MCU: variants seen among roughly 807,000 people sequenced by gnomAD.
MCU encodes the protein mitochondrial calcium uniporter.
In MCU, 12 loss-of-function variants were observed where a neutral mutation model predicts 45.2. The observed-to-expected ratio is 0.27, with a 90% CI of 0.17 to 0.43. The LOEUF is 0.43. Among genes scored for constraint, MCU ranks in the 20% least tolerant of loss-of-function variants. The probability of loss-of-function intolerance (pLI) is 1.00; values close to 1 mark genes in which losing one functional copy is unlikely to be tolerated. For synonymous variants in MCU, 160 were observed against 165.1 expected (o/e 0.97, Z 0.24); for missense variants, 324 against 436.7 (o/e 0.74, Z 2.30).
In MCU at chr10:72,846,660, T is replaced by A. The variant is rs535188643; in HGVS notation, c.220+12232T>A. 2.0e-5 allele frequency among the ~76,000 whole-genome samples: 3 copies of A among 152,318 alleles called. No homozygotes were observed. In the East Asian group the frequency reaches 5.8e-4, roughly 29 times the overall value. On this transcript the variant is annotated intron_variant, in intron 2 of 7. Coordinates refer to ENST00000373053, the MANE Select transcript of MCU (RefSeq NM_138357.3). Reference sequence around the variant, plus strand: ...CTGATAATCTCTTATTTTGCCTAATTTATAAATTAAACTTAAAAAAATTTT... The same window carrying A: ...CTGATAATCTCTTATTTTGCCTAATATATAAATTAAACTTAAAAAAATTTT...
chr10:72,836,787 CTTA>C (rs1286711378), intron 2 of MCU, among the ~76,000 whole-genome samples: 1 of 152,110 alleles, frequency 6.6e-6, no homozygotes, highest in Non-Finnish European at 1.5e-5. Flanking sequence ...GCTTGATGTC[CTTA>C]TTATATATCT....
At chr10:72,864,141 C>A (rs543469973) in intron 4 of MCU, among the ~76,000 whole-genome samples, 1 of 152,112 alleles carries the variant, frequency 6.6e-6, no homozygotes, top group Non-Finnish European at 1.5e-5. Context: ...GTTGCTATTG[C>A]GGTAAACTCA....
intron 1 of MCU, among the ~76,000 whole-genome samples, chr10:72,705,308 A>T (rs1842806019): frequency 6.6e-6 from 1 of 152,146 alleles, no homozygotes; most frequent in African/African-American, 2.4e-5. Flanking sequence ...TGGCTACCTT[A>T]TTTTCTTGTG....
chr10:72,837,240 A>C (rs1810035785), intron 2 of MCU, among the ~76,000 whole-genome samples: 1 of 152,054 alleles, frequency 6.6e-6, no homozygotes, highest in South Asian at 2.1e-4. Flanking sequence ...ATCTATTGAA[A>C]GTTCTAGACC....
At chr10:72,745,841 A>T (rs1843407743) in intron 1 of MCU, among the ~76,000 whole-genome samples, 1 of 152,082 alleles carries the variant, frequency 6.6e-6, no homozygotes, top group Admixed American at 6.5e-5. Context: ...ATTTTTTTTT[A>T]TTGTGGTAAA....
At chr10:72,694,364 CGTAA>C (rs1842661385) in intron 1 of MCU, among the ~76,000 whole-genome samples, 1 of 152,132 alleles carries the variant, frequency 6.6e-6, no homozygotes, top group African/African-American at 2.4e-5. Context: ...TTAGCTAATA[CGTAA>C]GTTTTAGGAC....
chr10:72,743,638 G>A (rs1564544490), intron 1 of MCU, among the ~76,000 whole-genome samples: 1 of 152,036 alleles, frequency 6.6e-6, no homozygotes, highest in Non-Finnish European at 1.5e-5. Flanking sequence ...GCTTGTGCAA[G>A]TTATGCAGAT....
intron 1 of MCU, among the ~76,000 whole-genome samples, chr10:72,772,147 T>G (rs1220129201): frequency 6.6e-6 from 1 of 152,170 alleles, no homozygotes; most frequent in Non-Finnish European, 1.5e-5. Flanking sequence ...ACTACCATCC[T>G]CAGCCCTGAA....
chr10:72,859,808 A>T (rs1845349046), intron 3 of MCU, among the ~76,000 whole-genome samples: 1 of 152,168 alleles, frequency 6.6e-6, no homozygotes, highest in Non-Finnish European at 1.5e-5. Context: ...TTTATTTTTT[A>T]ATCTTTTTAA....
intron 1 of MCU, among the ~76,000 whole-genome samples, chr10:72,751,863 A>G (rs1193048721): frequency 2.0e-5 from 3 of 150,336 alleles, no homozygotes; most frequent in African/African-American, 4.9e-5. Flanking sequence ...TTCCTGAGAC[A>G]GAGTCTGGCT....
At chr10:72,815,217 CACTATAT>C (rs1844607550) in intron 1 of MCU, among the ~76,000 whole-genome samples, 1 of 152,222 alleles carries the variant, frequency 6.6e-6, no homozygotes, top group Non-Finnish European at 1.5e-5. Context: ...CAGCCATACA[CACTATAT>C]ATGGCTGTGT....
chr10:72,795,895 G>A (rs752225632), intron 1 of MCU, among the ~76,000 whole-genome samples: 16 of 152,034 alleles, frequency 1.1e-4, no homozygotes, highest in Non-Finnish European at 2.1e-4. Flanking sequence ...GTACTCTGGA[G>A]GCTGAGGCAG....
intron 1 of MCU, among the ~76,000 whole-genome samples, chr10:72,750,579 T>A (rs1445710317): frequency 6.6e-6 from 1 of 152,182 alleles, no homozygotes; most frequent in African/African-American, 2.4e-5. Context: ...TTTCAAGAAG[T>A]AGGTATGTGA....
chr10:72,764,351 G>A (rs1843697057), intron 1 of MCU, among the ~76,000 whole-genome samples: 1 of 152,152 alleles, frequency 6.6e-6, no homozygotes, highest in Admixed American at 6.5e-5. Context: ...ACATTCCAGG[G>A]ACATAGTTAC....
intron 1 of MCU, among the ~76,000 whole-genome samples, chr10:72,828,181 A>G (rs1844825461): frequency 6.6e-6 from 1 of 152,198 alleles, no homozygotes; most frequent in Non-Finnish European, 1.5e-5. Context: ...CATTATTGAA[A>G]GGGGTTCATT....
chr10:72,795,176 C>G (rs370601180), intron 1 of MCU, among the ~76,000 whole-genome samples: 7 of 152,216 alleles, frequency 4.6e-5, no homozygotes, highest in Admixed American at 1.3e-4. Context: ...TTCTTATTTT[C>G]CACATTACCA....
At chr10:72,781,861 C>A (rs929702687) in intron 1 of MCU, among the ~76,000 whole-genome samples, 1 of 152,142 alleles carries the variant, frequency 6.6e-6, no homozygotes, top group Non-Finnish European at 1.5e-5. Context: ...GTGACAGGAT[C>A]TCTCTGGAAG....
chr10:72,804,049 T>C (rs1589469189), intron 1 of MCU, among the ~76,000 whole-genome samples: 1 of 76,598 alleles, frequency 1.3e-5, no homozygotes, highest in African/African-American at 7.2e-5. Flanking sequence ...TATATATATA[T>C]ATATATATAT....
At chr10:72,806,314 C>T (rs1844448357) in intron 1 of MCU, among the ~76,000 whole-genome samples, 1 of 152,094 alleles carries the variant, frequency 6.6e-6, no homozygotes. Flanking sequence ...TGCACCACCA[C>T]ACCTGGTTAA....
Sources: gnomAD v4.1 joint callset for allele counts (sites outside exome capture counted in the v4.1 genomes callset) on GRCh38, gnomAD v4.1.1 for gene constraint, MANE v1.5 for transcripts, NCBI Gene and HGNC (gene_info 2026-07-23, HGNC 2026-07-21) for gene names.